Variants in PTPRD observed in about 807,000 individuals in gnomAD.
PTPRD encodes protein tyrosine phosphatase receptor type D, also known as receptor-type tyrosine-protein phosphatase delta.
In PTPRD, 34 loss-of-function variants were observed where a neutral mutation model predicts 214.5. The ratio of observed to expected loss-of-function variants is 0.16; its 90% confidence interval spans 0.12 to 0.21. The LOEUF (loss-of-function observed/expected upper bound fraction) is 0.21, where lower values mean the gene tolerates loss of function less well. Among genes scored for constraint, PTPRD ranks in the 10% least tolerant of loss-of-function variants. The pLI is 1.00. For missense variants in PTPRD, 2,545 were observed against 2,398.7 expected, an observed-to-expected ratio of 1.06 and a Z score of -1.27; for synonymous variants, 1,128 against 845.7, an observed-to-expected ratio of 1.33 and a Z score of -5.79.
intron 7 of PTPRD, among the ~76,000 whole-genome samples, chr9:9,598,711 C>T (rs1218568232): frequency 1.3e-5 from 2 of 151,824 alleles, no homozygotes; most frequent in African/African-American, 4.8e-5. Context: ...ATTTCTGTCC[C>T]ATTATTGGTA....
chr9:8,950,654 G>C (rs1233899576), intron 11 of PTPRD, among the ~76,000 whole-genome samples: 1 of 151,518 alleles, frequency 6.6e-6, no homozygotes, highest in Non-Finnish European at 1.5e-5. Context: ...TTTTCCAATA[G>C]ATAGAACTTC....
intron 10 of PTPRD, among the ~76,000 whole-genome samples, chr9:9,024,338 G>T (rs76098199): frequency 0.024 from 1,471 of 61,040 alleles, 33 homozygotes; most frequent in African/African-American, 0.063. Context: ...TCGATTCTTT[G>T]TTTTTTTTTG....
chr9:9,481,025 T>C (rs778377607), intron 8 of PTPRD, among the ~76,000 whole-genome samples: 5 of 152,196 alleles, frequency 3.3e-5, no homozygotes, highest in African/African-American at 1.2e-4. Context: ...GCCTATATGA[T>C]GGATTTAATT....
intron 4 of PTPRD, among the ~76,000 whole-genome samples, chr9:9,941,619 A>T (rs1375844792): frequency 2.0e-5 from 3 of 152,192 alleles, no homozygotes; most frequent in East Asian, 1.9e-4. Context: ...CACTGAGCCC[A>T]GCCAAATGTG....
At chr9:8,771,519 T>G (rs755952943) in intron 11 of PTPRD, among the ~76,000 whole-genome samples, 1 of 152,202 alleles carries the variant, frequency 6.6e-6, no homozygotes, top group Non-Finnish European at 1.5e-5. Flanking sequence ...ACACACGGAC[T>G]TTAAATAAGT....
chr9:9,177,917 C>T (rs1160738317), intron 10 of PTPRD, among the ~76,000 whole-genome samples: 5 of 152,032 alleles, frequency 3.3e-5, no homozygotes, highest in Non-Finnish European at 7.4e-5. Context: ...CTATTTGATA[C>T]ATGGTATTTA....
chr9:10,371,684 C>A (rs1427731399), intron 2 of PTPRD, among the ~76,000 whole-genome samples: 2 of 151,954 alleles, frequency 1.3e-5, no homozygotes, highest in Non-Finnish European at 2.9e-5. Flanking sequence ...ATCTTCCTGA[C>A]AAATATACAC....
At chr9:8,756,264 C>A (rs1319022056) in intron 11 of PTPRD, among the ~76,000 whole-genome samples, 1 of 152,102 alleles carries the variant, frequency 6.6e-6, no homozygotes, top group Non-Finnish European at 1.5e-5. Flanking sequence ...GCATTTGTTA[C>A]CCTCAACATG....
At chr9:8,494,488 A>G (rs2097216899) in intron 26 of PTPRD, among the ~76,000 whole-genome samples, 1 of 152,172 alleles carries the variant, frequency 6.6e-6, no homozygotes, top group Non-Finnish European at 1.5e-5. Context: ...CAGCAGACAC[A>G]CTGGCTATCC....
intron 11 of PTPRD, among the ~76,000 whole-genome samples, chr9:8,897,547 G>A (rs2098629710): frequency 6.6e-6 from 1 of 152,198 alleles, no homozygotes; most frequent in Admixed American, 6.5e-5. Context: ...TATCCCCAGA[G>A]AGGGCCTTCG....
At chr9:8,625,711 T>C (rs1228042386) in intron 14 of PTPRD, among the ~76,000 whole-genome samples, 1 of 151,636 alleles carries the variant, frequency 6.6e-6, no homozygotes, top group Non-Finnish European at 1.5e-5. Flanking sequence ...ATTTATGTAA[T>C]GCATGGATAA....
intron 9 of PTPRD, among the ~76,000 whole-genome samples, chr9:9,239,644 C>T (rs1216977724): frequency 6.6e-6 from 1 of 151,990 alleles, no homozygotes; most frequent in Non-Finnish European, 1.5e-5. Flanking sequence ...AGTATGAAGC[C>T]CTGGATTTTG....
chr9:10,336,611 C>A (rs928917700), intron 3 of PTPRD, among the ~76,000 whole-genome samples: 8 of 151,168 alleles, frequency 5.3e-5, no homozygotes, highest in Non-Finnish European at 7.4e-5. Context: ...TCTCCAGTAG[C>A]CAAGAATATT....
chr9:10,273,281 T>A (rs2094515889), intron 3 of PTPRD, among the ~76,000 whole-genome samples: 1 of 152,162 alleles, frequency 6.6e-6, no homozygotes, highest in Non-Finnish European at 1.5e-5. Context: ...TCTGATTTCA[T>A]ATTGCCACAC....
chr9:10,340,257 A>G (rs1356787758), intron 3 of PTPRD, among the ~76,000 whole-genome samples: 1 of 151,842 alleles, frequency 6.6e-6, no homozygotes, highest in African/African-American at 2.4e-5. Flanking sequence ...ATTATATGTA[A>G]TGTTCTCATA....
At chr9:10,145,974 A>G (rs2099019676) in intron 3 of PTPRD, among the ~76,000 whole-genome samples, 1 of 152,000 alleles carries the variant, frequency 6.6e-6, no homozygotes, top group East Asian at 1.9e-4. Context: ...ATAAATTGAT[A>G]TGTTCTAAAA....
chr9:9,581,130 G>A (rs1205332834), intron 7 of PTPRD, among the ~76,000 whole-genome samples: 1 of 151,994 alleles, frequency 6.6e-6, no homozygotes, highest in Non-Finnish European at 1.5e-5. Flanking sequence ...AGATCTGTAA[G>A]AATAGTAAAT....
At chr9:8,329,483 ACATGGGGGTCAGGGACCCAC>A (rs1837476675) in intron 44 of PTPRD, among the ~76,000 whole-genome samples, 1 of 152,106 alleles carries the variant, frequency 6.6e-6, no homozygotes, top group Non-Finnish European at 1.5e-5. Context: ...CAGTCAGGAT[ACATGGGGGTCAGGGACCCAC>A]TTGAGGAGAG....
intron 8 of PTPRD, among the ~76,000 whole-genome samples, chr9:9,473,567 C>G (rs924747575): frequency 3.3e-5 from 5 of 152,154 alleles, no homozygotes; most frequent in African/African-American, 1.2e-4. Context: ...TTTTTCACAA[C>G]TGCTGTACTA....
Sources: gnomAD v4.1 joint callset for allele counts (sites outside exome capture counted in the v4.1 genomes callset) on GRCh38, gnomAD v4.1.1 for gene constraint, MANE v1.5 for transcripts, NCBI Gene and HGNC (gene_info 2026-07-23, HGNC 2026-07-21) for gene names.